Variants in OTOP1 observed in about 807,000 individuals in gnomAD.
The protein encoded by OTOP1 is proton channel OTOP1.
A neutral mutation model predicts 52.9 loss-of-function variants in OTOP1; 59 were observed. That is an observed-to-expected ratio of 1.12 (90% CI 0.91 to 1.39). OTOP1 has a LOEUF of 1.39. OTOP1 is among the 40% of genes most tolerant of loss of function. The pLI, the probability that OTOP1 is intolerant of heterozygous loss-of-function variation, is 0.00. For missense variants in OTOP1, 761 were observed against 800.9 expected (o/e 0.95, Z 0.60); for synonymous variants, 317 against 337.7 (o/e 0.94, Z 0.67).
intron 2 of OTOP1, among the ~76,000 whole-genome samples, chr4:4,207,751 A>T (rs1296029639): frequency 6.6e-6 from 1 of 152,208 alleles, no homozygotes; most frequent in East Asian, 1.9e-4. Context: ...ATGTAATATA[A>T]ACCAAAAAGT....
rs1293894619 is a variant in OTOP1 at position 4,226,924 on chromosome 4, G to C, written c.-60C>G. ...GTGGCTGCCGTCGGGCCCCGCCTGC[G>C]CTCCTGGCTCCTGTCCTTGCCCCGA... On this transcript the variant is annotated 5_prime_UTR_variant, in exon 1 of 6. Transcript: ENST00000296358. 2.3e-5 allele frequency: 30 copies of C among 1,288,614 alleles called. No homozygotes were observed. The East Asian group carries it at 7.3e-4, about 31-fold the overall frequency. 79.8% of individuals were successfully genotyped at this position (1,288,614 alleles called of 1,614,324 possible).
At chr4:4,201,730 C>T (rs1716792931) in intron 4 of OTOP1, among the ~76,000 whole-genome samples, 1 of 152,002 alleles carries the variant, frequency 6.6e-6, no homozygotes, top group Non-Finnish European at 1.5e-5. Flanking sequence ...ATTTGGATAC[C>T]CTCACTTTAC....
intron 4 of OTOP1, among the ~76,000 whole-genome samples, chr4:4,200,927 G>A (rs1359526727): frequency 6.6e-6 from 1 of 152,118 alleles, no homozygotes; most frequent in Non-Finnish European, 1.5e-5. Flanking sequence ...GAAGACCAGG[G>A]AAGAAAGCAG....
chr4:4,196,492 G>A (rs1361200704), intron 5 of OTOP1, among the ~76,000 whole-genome samples: 2 of 152,240 alleles, frequency 1.3e-5, no homozygotes, highest in Non-Finnish European at 2.9e-5. Flanking sequence ...GGGAGGCAGA[G>A]GTTGCAGTGA....
chr4:4,198,285 T>A (rs945867001), intron 4 of OTOP1, among the ~76,000 whole-genome samples, 182 bp from the exon 5 acceptor site: 3 of 152,170 alleles, frequency 2.0e-5, no homozygotes, highest in Admixed American at 2.0e-4. Context: ...GCCCTGAGTA[T>A]CCCCAAAGCA....
intron 1 of OTOP1, among the ~76,000 whole-genome samples, chr4:4,215,604 G>A (rs966867512): frequency 6.6e-6 from 1 of 152,012 alleles, no homozygotes; most frequent in African/African-American, 2.4e-5. Flanking sequence ...AGGTTGCAGT[G>A]AGCCGAGATC....
chr4:4,222,666 G>A (rs1052874692), intron 1 of OTOP1, among the ~76,000 whole-genome samples: 2 of 152,190 alleles, frequency 1.3e-5, no homozygotes, highest in African/African-American at 4.8e-5. Flanking sequence ...CCTCATAGTG[G>A]CCCCAGAATG....
intron 2 of OTOP1, among the ~76,000 whole-genome samples, chr4:4,208,066 G>A (rs1157853817): frequency 5.3e-5 from 8 of 152,024 alleles, no homozygotes; most frequent in Admixed American, 2.0e-4. Context: ...ATAAAAAAAC[G>A]TCGGGCACAG....
chr4:4,206,597 C>T (rs1390394174), intron 2 of OTOP1, among the ~76,000 whole-genome samples: 1 of 152,194 alleles, frequency 6.6e-6, no homozygotes, highest in Non-Finnish European at 1.5e-5. Context: ...TTTTGTTTCA[C>T]TCTATTACAT....
At chr4:4,190,809 C>T (rs949559961) in intron 5 of OTOP1, among the ~76,000 whole-genome samples, 33 of 152,094 alleles carry the variant, frequency 2.2e-4, no homozygotes, top group African/African-American at 7.0e-4. Flanking sequence ...ACCTGTTTGG[C>T]GGGTCCCTCC....
intron 1 of OTOP1, among the ~76,000 whole-genome samples, chr4:4,214,106 C>A (rs1005303282): frequency 5.9e-5 from 9 of 152,020 alleles, no homozygotes; most frequent in African/African-American, 1.9e-4. Flanking sequence ...ATCAATCAAT[C>A]AACAATGACA....
Position 4,202,561 on chromosome 4 carries a change from G to C in OTOP1, c.617C>G (p.Ser206Trp). The C allele has an allele frequency of 6.2e-7, 1 of 1,613,996 alleles. No individual in the cohort carries two copies. Among genetic ancestry groups the C allele is most frequent in the Non-Finnish European group, 8.5e-7 (1 of 1,179,918 alleles). ...KTLERFGVIH[S>W]VFTNLLLWAN... The stretch of plus-strand genomic sequence containing the variant: ...CCACAGAAGCAGGTTGGTGAACACC[G>C]AGTGGATCACTCCAAACCTGAAAAA... The change falls in exon 4 of 6, where the codon TCG becomes TGG. Residue 206 changes from serine (S) to tryptophan (W), a missense_variant. Ser to Trp is a radical substitution (Grantham distance 177, BLOSUM62 -3). Transcript: ENST00000296358.
intron 1 of OTOP1, among the ~76,000 whole-genome samples, chr4:4,215,131 T>C (rs1717111220): frequency 6.6e-6 from 1 of 151,974 alleles, no homozygotes; most frequent in Non-Finnish European, 1.5e-5. Flanking sequence ...TCTAAATAAA[T>C]AAATGAATTC....
intron 2 of OTOP1, among the ~76,000 whole-genome samples, chr4:4,207,552 T>C (rs1276564380): frequency 6.6e-6 from 1 of 151,826 alleles, no homozygotes; most frequent in East Asian, 1.9e-4. Context: ...CTTTTTGCTT[T>C]TTTTTTTAGA....
chr4:4,209,517 A>G (rs1716979133), intron 2 of OTOP1, among the ~76,000 whole-genome samples: 1 of 152,172 alleles, frequency 6.6e-6, no homozygotes, highest in Admixed American at 6.5e-5. Context: ...TGTCCCAGTC[A>G]TTCTTCTGCC....
intron 3 of OTOP1, 147 bp from the exon 4 acceptor site, chr4:4,202,725 C>T (rs1716817214): frequency 2.0e-6 from 2 of 1,000,384 alleles, no homozygotes; most frequent in Admixed American, 2.4e-5. Context: ...GGGTGGGCCC[C>T]CTGCCTGGCT....
intron 4 of OTOP1, 35 bp downstream of exon 4, chr4:4,202,413 T>C (rs774826804): frequency 1.4e-5 from 22 of 1,611,158 alleles, no homozygotes; most frequent in Non-Finnish European, 1.9e-5. Context: ...CATTCCAACA[T>C]GGCAGAAGGG....
chr4:4,207,101 T>C (rs2108801039), intron 2 of OTOP1, among the ~76,000 whole-genome samples: 1 of 152,336 alleles, frequency 6.6e-6, no homozygotes, highest in Non-Finnish European at 1.5e-5. Flanking sequence ...CACTTACACA[T>C]ATCACCTCTT....
At chr4:4,203,439 G>C (rs1716833147) in intron 3 of OTOP1, among the ~76,000 whole-genome samples, 2 of 152,206 alleles carry the variant, frequency 1.3e-5, no homozygotes, top group Non-Finnish European at 1.5e-5. Flanking sequence ...AGCCACATGG[G>C]GGTTTGCAGA....
Sources: gnomAD v4.1 joint callset for allele counts (sites outside exome capture counted in the v4.1 genomes callset) on GRCh38, gnomAD v4.1.1 for gene constraint, MANE v1.5 for transcripts, NCBI Gene and HGNC (gene_info 2026-07-23, HGNC 2026-07-21) for gene names.